Variants in EDARADD observed in about 807,000 individuals in gnomAD.
EDARADD encodes the protein ectodysplasin-A receptor-associated adapter protein.
A neutral mutation model predicts 25.6 loss-of-function variants in EDARADD; 20 were observed. The ratio of observed to expected loss-of-function variants is 0.78; its 90% CI spans 0.55 to 1.14. EDARADD has a LOEUF of 1.14. Ranked by LOEUF, EDARADD falls within the 50% of genes most tolerant of loss-of-function variation. The probability of loss-of-function intolerance (pLI) is 0.00; values close to 1 mark genes in which losing one functional copy is unlikely to be tolerated. For missense variants in EDARADD, 225 were observed against 270.1 expected, an observed-to-expected ratio of 0.83 and a Z score of 1.17; for synonymous variants, 86 against 94.4, an observed-to-expected ratio of 0.91 and a Z score of 0.52.
chr1:236,484,207 G>A lies in EDARADD; in HGVS notation c.*1558G>A, dbSNP rs921861926. ...CTCCTGCTCAAAGTGAACCAGATTC[G>A]CTCTGTGACTGAGTCCCTTCAGGCG... On this transcript the variant is annotated 3_prime_UTR_variant, in exon 6 of 6. Transcript: ENST00000334232. This position sits in a 1 kb window ranked among gnomAD's most constrained non-coding sequence, Gnocchi z 4.1. The A allele has an allele frequency of 1.4e-5, 15 of 1,054,132 alleles. No individual in the cohort carries two copies. Among genetic ancestry groups the A allele is most frequent in the African/African-American group, 1.1e-4 (7 of 64,142 alleles). 65.3% of individuals were successfully genotyped at this position (1,054,132 alleles called of 1,614,324 possible). A position where few individuals can be genotyped will look rare whatever the true frequency, so the allele number is the denominator to read the frequency against.
intron 3 of EDARADD, among the ~76,000 whole-genome samples, chr1:236,360,127 C>T (rs78090497): frequency 0.043 from 6,498 of 151,828 alleles, 192 homozygotes; most frequent in Middle Eastern, 0.088. Flanking sequence ...CAAGTCTGGT[C>T]AACATAGCAA....
intron 3 of EDARADD, among the ~76,000 whole-genome samples, chr1:236,353,649 G>C (rs1230624556): frequency 7.1e-6 from 1 of 141,574 alleles, no homozygotes; most frequent in Non-Finnish European, 1.5e-5. Context: ...CTGCACTTCA[G>C]CCTGGGCAAC....
intron 1 of EDARADD, among the ~76,000 whole-genome samples, chr1:236,402,409 A>C (rs1008874304): frequency 1.3e-5 from 2 of 152,082 alleles, no homozygotes; most frequent in African/African-American, 2.4e-5. Context: ...AATAAAAATA[A>C]ATTAGCCAGA....
intron 4 of EDARADD, among the ~76,000 whole-genome samples, chr1:236,450,555 T>G (rs1658684175): frequency 2.2e-5 from 1 of 45,154 alleles, no homozygotes; most frequent in African/African-American, 9.0e-5. Flanking sequence ...AACCCCCCCT[T>G]TTTTTTTCTT....
At chr1:236,392,877 G>A (rs1278255848), upstream of EDARADD, among the ~76,000 whole-genome samples, 1 of 152,004 alleles carries the variant, frequency 6.6e-6, no homozygotes, top group Admixed American at 6.6e-5. Flanking sequence ...ACCATGTTGG[G>A]CAGTCTGATC....
At chr1:236,440,545 G>A (rs1470881877) in intron 4 of EDARADD, among the ~76,000 whole-genome samples, 1 of 151,190 alleles carries the variant, frequency 6.6e-6, no homozygotes, top group Admixed American at 6.6e-5. Context: ...TTTTTATTGT[G>A]TGTTATGTTA....
chr1:236,357,815 T>C (rs1329046764), intron 3 of EDARADD, among the ~76,000 whole-genome samples: 1 of 152,024 alleles, frequency 6.6e-6, no homozygotes, highest in Admixed American at 6.6e-5. Flanking sequence ...ACATGAGATG[T>C]GGCGGGGATG....
chr1:236,367,316 G>A (rs1454876131), intron 3 of EDARADD, among the ~76,000 whole-genome samples: 1 of 151,738 alleles, frequency 6.6e-6, no homozygotes, highest in Non-Finnish European at 1.5e-5. Flanking sequence ...TGAGACCTCC[G>A]CCTCCCAAGT....
At chr1:236,459,301 CTG>C (rs904764230) in intron 4 of EDARADD, among the ~76,000 whole-genome samples, 19 of 152,260 alleles carry the variant, frequency 1.2e-4, no homozygotes, top group African/African-American at 4.6e-4. Flanking sequence ...GTAAAATACT[CTG>C]TGATATTTCT....
intron 2 of EDARADD, 56 bp from the exon 3 acceptor site, chr1:236,414,204 A>T: frequency 6.9e-7 from 1 of 1,452,788 alleles, no homozygotes. Flanking sequence ...CTTTCTTTTC[A>T]CTTTGATCTT....
At chr1:236,359,766 T>C (rs1236993590) in intron 3 of EDARADD, among the ~76,000 whole-genome samples, 6 of 152,178 alleles carry the variant, frequency 3.9e-5, no homozygotes, top group Non-Finnish European at 2.9e-5. Flanking sequence ...GAGAACAGCA[T>C]GGGAAAGACT....
chr1:236,353,804 T>C (rs1374303004), intron 3 of EDARADD, among the ~76,000 whole-genome samples: 1 of 152,128 alleles, frequency 6.6e-6, no homozygotes, highest in African/African-American at 2.4e-5. Context: ...ATCATTTGGC[T>C]TTTCTACCTT....
At chr1:236,465,741 A>G (rs763277147) in intron 4 of EDARADD, among the ~76,000 whole-genome samples, 3 of 152,166 alleles carry the variant, frequency 2.0e-5, no homozygotes, top group Non-Finnish European at 4.4e-5. Flanking sequence ...TGCTCAATAA[A>G]TCGGTGTTGA....
At chr1:236,404,150 A>C (rs1173780128) in intron 1 of EDARADD, among the ~76,000 whole-genome samples, 1 of 152,178 alleles carries the variant, frequency 6.6e-6, no homozygotes, top group Non-Finnish European at 1.5e-5. Flanking sequence ...GTCCTATTAG[A>C]TATCAGAGCC....
At position 236,395,648 on chromosome 1, in the gene EDARADD, C is replaced by G. The variant is rs200100313; in HGVS notation, c.61+1143C>G. ...CGCCGCCATGGCTTCACCGGACGAC[C>G]CTCTGCGCGCAGGTAAAGGGACACA... On this transcript the variant is annotated intron_variant, in intron 1 of 5. Transcript: ENST00000334232. The surrounding 1 kb of genome is among the most constrained non-coding windows in gnomAD (Gnocchi z 6.9). The G allele has an allele frequency of 1.4e-4, 222 of 1,576,192 alleles. No individual in the cohort carries two copies. The African/African-American group carries it at 1.6e-3, about 11-fold the overall frequency.
chr1:236,400,267 A>T (rs1385431032), intron 1 of EDARADD, among the ~76,000 whole-genome samples: 2 of 151,680 alleles, frequency 1.3e-5, no homozygotes, highest in Non-Finnish European at 2.9e-5. Context: ...GTCTTCCCTC[A>T]TCCTCCCCTG....
intron 3 of EDARADD, among the ~76,000 whole-genome samples, chr1:236,353,571 C>T (rs1666942575): frequency 1.3e-5 from 2 of 150,104 alleles, no homozygotes; most frequent in South Asian, 4.2e-4. Flanking sequence ...CCCAGCTACT[C>T]AGGAGGCTGA....
At chr1:236,429,100 CGGCTG>C (rs1658021608) in intron 4 of EDARADD, among the ~76,000 whole-genome samples, 1 of 152,016 alleles carries the variant, frequency 6.6e-6, no homozygotes, top group Admixed American at 6.6e-5. Flanking sequence ...AGTCCAGCCT[CGGCTG>C]GGCATCAGAG....
chr1:236,376,173 G>C (rs540518168), intron 3 of EDARADD, among the ~76,000 whole-genome samples: 6 of 152,214 alleles, frequency 3.9e-5, no homozygotes, highest in South Asian at 2.1e-4. Context: ...GACCAAAGGT[G>C]ATCCAGCTGC....
Sources: allele counts gnomAD v4.1 joint callset (sites outside exome capture counted in the v4.1 genomes callset), GRCh38; gene constraint gnomAD v4.1.1; non-coding constraint Gnocchi (gnomAD v3.1); transcripts MANE v1.5; gene names NCBI Gene and HGNC (gene_info 2026-07-23, HGNC 2026-07-21).